PITPNC1: variants seen among roughly 807,000 people sequenced by gnomAD.
The protein encoded by PITPNC1 is cytoplasmic phosphatidylinositol transfer protein 1.
Under a neutral mutation model 44.7 loss-of-function variants are expected in PITPNC1, and 18 were observed. That is an observed-to-expected ratio of 0.40 (90% confidence interval 0.28 to 0.60). The LOEUF (loss-of-function observed/expected upper bound fraction) is 0.60, where lower values mean the gene tolerates loss of function less well. Among genes scored for constraint, PITPNC1 ranks in the 20% least tolerant of loss-of-function variants. The pLI, the probability that PITPNC1 is intolerant of heterozygous loss-of-function variation, is 0.39. For missense variants in PITPNC1, 290 were observed against 418.4 expected (o/e 0.69, Z 2.68); for synonymous variants, 141 against 149.6 (o/e 0.94, Z 0.42).
At chr17:67,652,402 A>C (rs772456159) in intron 6 of PITPNC1, among the ~76,000 whole-genome samples, 1 of 152,180 alleles carries the variant, frequency 6.6e-6, no homozygotes, top group Non-Finnish European at 1.5e-5. Context: ...TGAGGCCTGC[A>C]GGTGTGGCTG....
At chr17:67,624,479 G>A (rs2041871532) in intron 5 of PITPNC1, among the ~76,000 whole-genome samples, 1 of 151,342 alleles carries the variant, frequency 6.6e-6, no homozygotes, top group South Asian at 2.1e-4. Flanking sequence ...GATTACGGGT[G>A]TGAGCCACTG....
chr17:67,609,350 C>T (rs966575833), intron 5 of PITPNC1, among the ~76,000 whole-genome samples: 3 of 144,530 alleles, frequency 2.1e-5, no homozygotes, highest in Non-Finnish European at 3.0e-5. Flanking sequence ...GGTGCAATGG[C>T]GCAATCTCGG....
At chr17:67,586,599 A>T (rs905579808) in intron 5 of PITPNC1, among the ~76,000 whole-genome samples, 1 of 142,200 alleles carries the variant, frequency 7.0e-6, no homozygotes, top group African/African-American at 2.5e-5. Flanking sequence ...CCATCTCAGG[A>T]AAAAAAAAAA....
rs965191142 is a variant in PITPNC1, at chr17:67,411,030, C to T, written c.48+32828C>T. Among the ~76,000 whole-genome samples, 12 of 149,838 alleles carry T rather than the reference C, an allele frequency of 8.0e-5. No individual in the cohort carries two copies. In the East Asian group the frequency reaches 2.2e-3, roughly 27 times the overall value. On this transcript the variant is annotated intron_variant, in intron 1 of 8. Transcript: ENST00000581322. Reference sequence around the variant, plus strand: ...TCGGGAGGCGGAGGTTGCAGTGAGCCGAGATTGCGCCACTGCACTCCAGCC... The same window carrying T: ...TCGGGAGGCGGAGGTTGCAGTGAGCTGAGATTGCGCCACTGCACTCCAGCC...
At chr17:67,480,575 A>G (rs1423760680) in intron 1 of PITPNC1, among the ~76,000 whole-genome samples, 1 of 152,220 alleles carries the variant, frequency 6.6e-6, no homozygotes, top group Admixed American at 6.5e-5. Flanking sequence ...ATATTAAATA[A>G]AAGATGATAT....
intron 8 of PITPNC1, among the ~76,000 whole-genome samples, chr17:67,683,162 CAAAAAAAAAA>C (rs901577194): frequency 4.8e-5 from 2 of 41,528 alleles, no homozygotes; most frequent in African/African-American, 7.4e-5. Context: ...AACTGAGTCT[CAAAAAAAAAA>C]AAAAAAAAAA....
At chr17:67,478,857 C>G (rs1156905174) in intron 1 of PITPNC1, among the ~76,000 whole-genome samples, 4 of 151,860 alleles carry the variant, frequency 2.6e-5, no homozygotes, top group Non-Finnish European at 5.9e-5. Flanking sequence ...TTGAAAGAAC[C>G]CCAAACTGAG....
rs2042978854 is a variant in PITPNC1 at position 67,694,511 on chromosome 17, ACTCTCC to A, written c.*1625_*1630del. ...TGTGTAGTGTCTTTCAGGTTGATAC[ACTCTCC>A]CAAGGTGCAGGCGCTGGCCCCATGA... On this transcript the variant is annotated 3_prime_UTR_variant, in exon 9 of 9. Coordinates refer to ENST00000581322, the MANE Select transcript of PITPNC1 (RefSeq NM_012417.4). 6.6e-6 allele frequency: 1 copy of A among 151,834 alleles called. No individual in the cohort carries two copies. Among genetic ancestry groups the A allele is most frequent in the Non-Finnish European group, 1.5e-5 (1 of 67,980 alleles). 9.4% of individuals were successfully genotyped at this position (151,834 alleles called of 1,614,324 possible).
rs535359532 is a variant in PITPNC1, at chr17:67,396,650, G to A, written c.48+18448G>A. 4.0e-5 allele frequency among the ~76,000 whole-genome samples: 6 copies of A among 150,796 alleles called. No homozygotes were observed. The South Asian group carries it at 6.3e-4, about 16-fold the overall frequency. On this transcript the variant is annotated intron_variant, in intron 1 of 8. Transcript: ENST00000581322. ...CTCCCAAAGTGCTGTGATTACAGGC[G>A]TGAGCCACCACACCTGGCCTTATTT...
In PITPNC1 at chr17:67,692,891, T is replaced by G; in HGVS notation, c.*3T>G. 1 of 1,527,498 alleles carries G rather than the reference T, an allele frequency of 6.5e-7. No homozygotes were observed. The highest frequency in any genetic ancestry group is 9.0e-7 in the Non-Finnish European group (1 of 1,111,752). 94.6% of individuals were successfully genotyped at this position (1,527,498 alleles called of 1,614,324 possible). A position where few individuals can be genotyped will look rare whatever the true frequency, so the allele number is the denominator to read the frequency against. On this transcript the variant is annotated 3_prime_UTR_variant, in exon 9 of 9. Transcript: ENST00000581322. ...CATGTCGGCCCAAATCTGAGTAACTTTATATAAATATCTCATGGGGTTTTA... is the reference window on the plus strand; with the variant it reads ...CATGTCGGCCCAAATCTGAGTAACTGTATATAAATATCTCATGGGGTTTTA...
At chr17:67,393,295 A>G (rs1399489622) in intron 1 of PITPNC1, among the ~76,000 whole-genome samples, 1 of 151,568 alleles carries the variant, frequency 6.6e-6, no homozygotes, top group African/African-American at 2.4e-5. Flanking sequence ...CAGAATTGAA[A>G]CTCTGTATCC....
intron 5 of PITPNC1, among the ~76,000 whole-genome samples, chr17:67,599,032 A>AT (rs1185599667): frequency 6.8e-5 from 2 of 29,280 alleles, no homozygotes; most frequent in Non-Finnish European, 1.2e-4. Context: ...ATATATATAT[A>AT]TATTTTTTTT....
chr17:67,474,187 T>C (rs1251137039), intron 1 of PITPNC1, among the ~76,000 whole-genome samples: 2 of 151,788 alleles, frequency 1.3e-5, no homozygotes, highest in Admixed American at 1.3e-4. Flanking sequence ...GAGGTGGGGG[T>C]CTTGGCAAAA....
chr17:67,502,759 T>C (rs202119354), intron 1 of PITPNC1, among the ~76,000 whole-genome samples: 28 of 59,842 alleles, frequency 4.7e-4, no homozygotes, highest in South Asian at 5.7e-4. Flanking sequence ...TATTGTATTG[T>C]ATTGTATTGT....
intron 1 of PITPNC1, among the ~76,000 whole-genome samples, chr17:67,513,130 G>A (rs1401333307): frequency 2.6e-5 from 4 of 152,084 alleles, no homozygotes; most frequent in East Asian, 1.9e-4. Context: ...TAGGGAGGCC[G>A]AGGCAGATGG....
chr17:67,460,474 A>G (rs2143970881), intron 1 of PITPNC1, among the ~76,000 whole-genome samples: 1 of 151,876 alleles, frequency 6.6e-6, no homozygotes, highest in Non-Finnish European at 1.5e-5. Flanking sequence ...GCCAGGCTGG[A>G]GAGCAGTGGC....
Position 67,552,824 on chromosome 17 carries a change from AG to A in PITPNC1, c.286+480del, listed in dbSNP as rs1332138913. On this transcript the variant is annotated intron_variant, in intron 3 of 8. Transcript: ENST00000581322. ...CTCCGTCAAAAAAAAAAAAAAAAAAAGCTTATGGAGAAGGAAGGTGAAGATC... is the reference window on the plus strand; with the variant it reads ...CTCCGTCAAAAAAAAAAAAAAAAAAACTTATGGAGAAGGAAGGTGAAGATC... Among the ~76,000 whole-genome samples, 144 of 150,394 alleles carry A rather than the reference AG, an allele frequency of 9.6e-4. 3 individuals carry two copies. The highest frequency in any genetic ancestry group is 3.3e-3 in the African/African-American group (134 of 40,838).
At chr17:67,378,235 T>C (rs1456069237) in intron 1 of PITPNC1, 33 bp downstream of exon 1, 1 of 1,411,336 alleles carries the variant, frequency 7.1e-7, no homozygotes, top group Non-Finnish European at 9.4e-7. Context: ...CCTCGCCCGC[T>C]CCGGGACCCC....
At chr17:67,425,195 ACGCACACG>A (rs1266221798) in intron 1 of PITPNC1, among the ~76,000 whole-genome samples, 25 of 116,484 alleles carry the variant, frequency 2.1e-4, no homozygotes, top group Middle Eastern at 4.5e-3. Context: ...GTGCGCGCGC[ACGCACACG>A]CACACACACA....
Sources: gnomAD v4.1 joint callset for allele counts (sites outside exome capture counted in the v4.1 genomes callset) on GRCh38, gnomAD v4.1.1 for gene constraint, MANE v1.5 for transcripts, NCBI Gene and HGNC (gene_info 2026-07-23, HGNC 2026-07-21) for gene names.